The following NEMP1 variants were observed in gnomAD, a reference collection of about 807,000 sequenced individuals.
NEMP1 encodes the protein nuclear envelope integral membrane protein 1.
Under a neutral mutation model 53.7 loss-of-function variants are expected in NEMP1, and 29 were observed. The observed-to-expected ratio is 0.54, with a 90% CI of 0.40 to 0.74. The LOEUF is 0.74. NEMP1 is among the 30% of genes least tolerant of loss of function. NEMP1 has a pLI of 0.00. For missense variants in NEMP1, 477 were observed against 528.6 expected, an observed-to-expected ratio of 0.90 and a Z score of 0.96; for synonymous variants, 193 against 192.9, an observed-to-expected ratio of 1.00 and a Z score of 0.00.
At chr12:57,075,031 G>A (rs1248616676) in intron 1 of NEMP1, among the ~76,000 whole-genome samples, 1 of 151,942 alleles carries the variant, frequency 6.6e-6, no homozygotes, top group Non-Finnish European at 1.5e-5. Flanking sequence ...GGAGACTGCA[G>A]TGAGCCGAGA....
At chr12:57,082,997 G>A (rs765555459), upstream of NEMP1, among the ~76,000 whole-genome samples, 1 of 152,130 alleles carries the variant, frequency 6.6e-6, no homozygotes, top group Non-Finnish European at 1.5e-5. Context: ...CAGCCTAGGT[G>A]ACAGAGTGAG....
rs1389127437 is a variant in NEMP1, at chr12:57,070,912, C to A, written c.253-19G>T. ...CTCGGATCTGTAACACAAATAAAAT[C>A]AGGATGAGAAAAAAGGAAGTAGGAA... is the stretch of plus-strand genomic sequence containing the variant. On this transcript the variant is annotated intron_variant, in intron 2 of 8. Coordinates refer to ENST00000300128, the MANE Select transcript of NEMP1 (RefSeq NM_001130963.2). The A allele has an allele frequency of 3.2e-6, 5 of 1,569,406 alleles. No individual in the cohort carries two copies. The Admixed American group carries it at 7.7e-5, about 24-fold the overall frequency.
At chr12:57,060,622 G>C (rs1350334064) in intron 8 of NEMP1, 150 bp downstream of exon 8, 2 of 769,456 alleles carry the variant, frequency 2.6e-6, no homozygotes, top group Admixed American at 5.0e-5. Context: ...TGCTTAATGT[G>C]TGATTATATA....
intron 4 of NEMP1, among the ~76,000 whole-genome samples, chr12:57,068,068 GC>G (rs888327046): frequency 2.0e-5 from 3 of 149,902 alleles, no homozygotes; most frequent in Non-Finnish European, 3.0e-5. Flanking sequence ...ACCACAACCA[GC>G]CCCCCATTCC....
chr12:57,060,151 C>T (rs1170380207), intron 8 of NEMP1, 92 bp from the exon 9 acceptor site: 5 of 1,163,800 alleles, frequency 4.3e-6, no homozygotes, highest in Non-Finnish European at 6.1e-6. Context: ...CCTCGATATG[C>T]TCGCAACTCA....
intron 4 of NEMP1, among the ~76,000 whole-genome samples, chr12:57,065,183 A>C (rs1437473792): frequency 6.6e-6 from 1 of 152,078 alleles, no homozygotes; most frequent in African/African-American, 2.4e-5. Flanking sequence ...GGCTGTGGCA[A>C]TTTCTTAAAA....
At position 57,078,655 on chromosome 12, in the gene NEMP1, G is replaced by A. The variant is rs2032742903; in HGVS notation, c.91C>T (p.Leu31Phe). 1.9e-6 allele frequency: 3 copies of A among 1,613,324 alleles called. No individual in the cohort carries two copies. Among genetic ancestry groups the A allele is most frequent in the Non-Finnish European group, 1.7e-6 (2 of 1,179,650 alleles). Residue 31 changes from leucine to phenylalanine, a missense_variant, in exon 1 of 9, where the codon CTC (leucine) becomes TTC (phenylalanine). Physicochemically the swap from Leu to Phe is conservative, Grantham distance 22. Coordinates refer to ENST00000300128, the MANE Select transcript of NEMP1 (RefSeq NM_001130963.2). ...ACCAAGCAGCCGGAGAGGATCAAGA[G>A]TAGCCGCACTGTCCCACCGCCCCCG... ...GVGGGGTVRLLLILSGCLVYG... is the reference protein window; with the variant it reads ...GVGGGGTVRLFLILSGCLVYG...
At chr12:57,081,768 G>A (rs1488476630), upstream of NEMP1, among the ~76,000 whole-genome samples, 7 of 149,782 alleles carry the variant, frequency 4.7e-5, no homozygotes, top group Non-Finnish European at 1.0e-4. Context: ...TTAGTCGGGC[G>A]TGGTGGCAGG....
At position 57,077,430 on chromosome 12, in the gene NEMP1, G is replaced by A. The variant is rs1478199154; in HGVS notation, c.127+1189C>T. 4.6e-5 allele frequency among the ~76,000 whole-genome samples: 7 copies of A among 151,852 alleles called. 1 individual carries two copies. In the South Asian group the frequency reaches 1.2e-3, roughly 27 times the overall value. Reference sequence around the variant, plus strand: ...GGAGAATCATTTAAACCCAGGAGGCGGAGGTTGCAGTGAGCTGAGATTGCA... The same window carrying A: ...GGAGAATCATTTAAACCCAGGAGGCAGAGGTTGCAGTGAGCTGAGATTGCA... On this transcript the variant is annotated intron_variant, in intron 1 of 8. Coordinates refer to ENST00000300128, the MANE Select transcript of NEMP1 (RefSeq NM_001130963.2).
At chr12:57,060,694 C>A in intron 8 of NEMP1, 78 bp downstream of exon 8, 1 of 1,449,030 alleles carries the variant, frequency 6.9e-7, no homozygotes, top group Non-Finnish European at 9.3e-7. Context: ...GTGCACGATT[C>A]TCTAGAAGTA....
chr12:57,059,903 G>A lies in NEMP1; in HGVS notation c.1311C>T (p.Ile437=). ...CCTAGGTTAGAAAGTTGTTCTGTGT[G>A]ATAGCAGGACACCGAGAATATGAGT... The part of the protein sequence containing the change: ...EEDSYSRCPA[I]TQNNFLT The change falls in exon 9 of 9, where the codon ATC becomes ATT. Residue 437 remains isoleucine (I), a synonymous_variant. Coordinates refer to ENST00000300128, the MANE Select transcript of NEMP1 (RefSeq NM_001130963.2). 1 of 1,613,722 alleles carries A rather than the reference G, an allele frequency of 6.2e-7. No homozygotes were observed. The highest frequency in any genetic ancestry group is 8.5e-7 in the Non-Finnish European group (1 of 1,179,858).
chr12:57,069,274 G>C lies in NEMP1; in HGVS notation c.505C>G (p.Leu169Val). The change falls in exon 4 of 9, where the codon CTT becomes GTT. Residue 169 changes from leucine to valine, a missense_variant. By Grantham distance (32) the Leu-to-Val change is conservative. Coordinates refer to ENST00000300128, the MANE Select transcript of NEMP1 (RefSeq NM_001130963.2). ...FDPKLFLVFL[L>V]GLMLFFCGDL... ...CCACAAAAAAATAGCATAAGTCCAA[G>C]AAGGAAAACAAGAAAGAGTTTGGGA... The C allele has an allele frequency of 6.5e-7, 1 of 1,546,846 alleles. No homozygotes were observed. Among genetic ancestry groups the C allele is most frequent in the Admixed American group, 2.0e-5 (1 of 49,656 alleles).
Position 57,074,240 on chromosome 12 carries a change from G to A in NEMP1, c.128-1328C>T, listed in dbSNP as rs558100145. Among the ~76,000 whole-genome samples the A allele has an allele frequency of 8.1e-5, 12 of 148,826 alleles. No individual in the cohort carries two copies. In the East Asian group the frequency reaches 9.8e-4, roughly 12 times the overall value. ...CACATTGGCCTCCCAAAGCACCCAC[G>A]CTGACCTCCCAAAGCACTGGGATTA... On this transcript the variant is annotated intron_variant, in intron 1 of 8. Coordinates refer to ENST00000300128, the MANE Select transcript of NEMP1 (RefSeq NM_001130963.2).
At chr12:57,083,036 A>G (rs1282025387), upstream of NEMP1, among the ~76,000 whole-genome samples, 1 of 152,132 alleles carries the variant, frequency 6.6e-6, no homozygotes, top group African/African-American at 2.4e-5. Context: ...TAAATAAAAT[A>G]AAATAAAGGC....
chr12:57,087,129 G>A (rs1437295338), intron 1 of NEMP1, among the ~76,000 whole-genome samples: 1 of 152,212 alleles, frequency 6.6e-6, no homozygotes, highest in Non-Finnish European at 1.5e-5. Flanking sequence ...CAGGACCCGG[G>A]AGCGGAGAGC....
At position 57,059,737 on chromosome 12, in the gene NEMP1, C is replaced by A; in HGVS notation, c.*142G>T. On this transcript the variant is annotated 3_prime_UTR_variant, in exon 9 of 9. Coordinates refer to ENST00000300128, the MANE Select transcript of NEMP1 (RefSeq NM_001130963.2). ...GAGACCTCCCATTTCCAAAGGGAGG[C>A]CTTTTTAGGCCTCTTATTTCAGTAG... 1.4e-6 allele frequency: 1 copy of A among 700,008 alleles called. No homozygotes were observed. The allele number at this position is 700,008 out of a possible 1,614,324, so 43.4% of individuals were successfully genotyped here.
At chr12:57,075,389 A>G (rs2032556362) in intron 1 of NEMP1, among the ~76,000 whole-genome samples, 2 of 127,022 alleles carry the variant, frequency 1.6e-5, no homozygotes, top group Non-Finnish European at 3.5e-5. Context: ...CTCCATTTCA[A>G]TATAAATAAA....
intron 4 of NEMP1, 75 bp from the exon 5 acceptor site, chr12:57,064,814 A>C (rs1592502913): frequency 9.3e-7 from 1 of 1,077,236 alleles, no homozygotes. Flanking sequence ...AGGACAACTA[A>C]CCCAGCCGAA....
chr12:57,067,544 C>T (rs1281827748), intron 4 of NEMP1, among the ~76,000 whole-genome samples: 1 of 152,150 alleles, frequency 6.6e-6, no homozygotes, highest in African/African-American at 2.4e-5. Flanking sequence ...TTGCTTGACC[C>T]AGGGTTGCCA....
Sources: gnomAD v4.1 joint callset for allele counts (sites outside exome capture counted in the v4.1 genomes callset) on GRCh38, gnomAD v4.1.1 for gene constraint, MANE v1.5 for transcripts, NCBI Gene and HGNC (gene_info 2026-07-23, HGNC 2026-07-21) for gene names.